Variants in BICC1 observed in about 807,000 individuals in gnomAD.
BICC1 encodes the protein BicC family RNA binding protein 1.
A neutral mutation model predicts 111.0 loss-of-function variants in BICC1; 43 were observed. The observed-to-expected ratio is 0.39, with a 90% CI of 0.30 to 0.50. The LOEUF (loss-of-function observed/expected upper bound fraction) is 0.50. Ranked by LOEUF, BICC1 falls within the 20% of genes least tolerant of loss-of-function variation. The pLI is 0.88. For synonymous variants in BICC1, 467 were observed against 434.4 expected, an observed-to-expected ratio of 1.07 and a Z score of -0.93; for missense variants, 1,091 against 1,203.2, an observed-to-expected ratio of 0.91 and a Z score of 1.38.
intron 1 of BICC1, among the ~76,000 whole-genome samples, chr10:58,608,630 C>T (rs1432163274): frequency 6.6e-6 from 1 of 151,782 alleles, no homozygotes; most frequent in Admixed American, 6.6e-5. Flanking sequence ...CACAACTATA[C>T]GTCCTTAGAG....
chr10:58,554,333 A>C (rs908132156), intron 1 of BICC1, among the ~76,000 whole-genome samples: 1 of 152,158 alleles, frequency 6.6e-6, no homozygotes, highest in African/African-American at 2.4e-5. Context: ...CTGAACTTTA[A>C]ATCCGGTCTT....
In BICC1 at chr10:58,782,247, T is replaced by A. The variant is rs1248773743; in HGVS notation, c.308-2754T>A. 2.0e-5 allele frequency among the ~76,000 whole-genome samples: 3 copies of A among 152,190 alleles called. 1 individual carries two copies. The highest frequency in any genetic ancestry group is 4.4e-5 in the Non-Finnish European group (3 of 68,030). ...ACGAGGCTCCCTGTCCCTCTATGTA[T>A]GCATAGGAATTTTAATGCGATTATC... On this transcript the variant is annotated intron_variant, in intron 3 of 20. Coordinates refer to ENST00000373886, the MANE Select transcript of BICC1 (RefSeq NM_001080512.3).
At chr10:58,558,449 G>A (rs926399449) in intron 1 of BICC1, among the ~76,000 whole-genome samples, 3 of 152,206 alleles carry the variant, frequency 2.0e-5, no homozygotes, top group Admixed American at 1.3e-4. Flanking sequence ...CTGGCAATAA[G>A]CTGGTTCAAT....
At chr10:58,822,250 G>T (rs959525858) in intron 20 of BICC1, among the ~76,000 whole-genome samples, 5 of 152,032 alleles carry the variant, frequency 3.3e-5, no homozygotes, top group Admixed American at 3.3e-4. Flanking sequence ...GAGATTCATG[G>T]AATAGCAGTG....
At chr10:58,586,350 A>T (rs571598035) in intron 1 of BICC1, among the ~76,000 whole-genome samples, 2 of 152,196 alleles carry the variant, frequency 1.3e-5, no homozygotes, top group Non-Finnish European at 2.9e-5. Context: ...TACAAGTTGC[A>T]TGTTCTTGGT....
chr10:58,585,564 C>T (rs918772375), intron 1 of BICC1, among the ~76,000 whole-genome samples: 3 of 152,108 alleles, frequency 2.0e-5, no homozygotes, highest in Admixed American at 6.6e-5. Context: ...TTGCAGTCTT[C>T]GGCATATGTG....
Position 58,830,024 on chromosome 10 carries a change from C to T in BICC1, c.*1133C>T, listed in dbSNP as rs991610883. 1.3e-5 allele frequency: 2 copies of T among 151,910 alleles called. No individual in the cohort carries two copies. Among genetic ancestry groups the T allele is most frequent in the African/African-American group, 2.4e-5 (1 of 41,374 alleles). 9.4% of individuals were successfully genotyped at this position (151,910 alleles called of 1,614,324 possible). On this transcript the variant is annotated 3_prime_UTR_variant, in exon 21 of 21. Transcript: ENST00000373886. ...TATCATGTACACGTTAGCTATGTTC[C>T]GTATGGCCACAGGACTTTCCTGAAA... is the stretch of plus-strand genomic sequence containing the variant.
At chr10:58,668,089 C>T (rs746168272) in intron 2 of BICC1, among the ~76,000 whole-genome samples, 10 of 152,090 alleles carry the variant, frequency 6.6e-5, no homozygotes, top group African/African-American at 1.4e-4. Flanking sequence ...CACGGTCATC[C>T]GGCTTTTAAG....
intron 2 of BICC1, among the ~76,000 whole-genome samples, chr10:58,687,463 C>G (rs1399040372): frequency 6.6e-6 from 1 of 152,240 alleles, no homozygotes; most frequent in African/African-American, 2.4e-5. Flanking sequence ...GCCCTGCCCC[C>G]AGAGGTGGAG....
intron 1 of BICC1, among the ~76,000 whole-genome samples, chr10:58,582,044 G>C (rs1844296631): frequency 1.4e-5 from 2 of 147,740 alleles, no homozygotes; most frequent in Admixed American, 1.4e-4. Context: ...AGCATTCTCT[G>C]CACTCTTTCC....
At chr10:58,668,142 A>C (rs1189226796) in intron 2 of BICC1, among the ~76,000 whole-genome samples, 1 of 152,106 alleles carries the variant, frequency 6.6e-6, no homozygotes, top group Non-Finnish European at 1.5e-5. Context: ...TTCTTTGGGA[A>C]GAGTCCTTGA....
intron 2 of BICC1, among the ~76,000 whole-genome samples, chr10:58,625,879 C>T (rs919052136): frequency 9.2e-5 from 14 of 151,986 alleles, no homozygotes; most frequent in African/African-American, 2.9e-4. Context: ...TCTCCACTAG[C>T]GATTATTTTT....
intron 2 of BICC1, among the ~76,000 whole-genome samples, chr10:58,621,620 C>T (rs945812763): frequency 6.6e-6 from 1 of 152,064 alleles, no homozygotes; most frequent in Non-Finnish European, 1.5e-5. Flanking sequence ...AAAGACCAGC[C>T]TGGGGCAGGG....
At chr10:58,523,563 A>G (rs888302417) in intron 1 of BICC1, among the ~76,000 whole-genome samples, 1 of 152,200 alleles carries the variant, frequency 6.6e-6, no homozygotes, top group African/African-American at 2.4e-5. Flanking sequence ...TCAAAATAAT[A>G]AGAGCTATCT....
At chr10:58,636,139 G>GATGTTGT (rs1237994546) in intron 2 of BICC1, among the ~76,000 whole-genome samples, 1 of 152,176 alleles carries the variant, frequency 6.6e-6, no homozygotes, top group Non-Finnish European at 1.5e-5. Flanking sequence ...GTAGAATTGT[G>GATGTTGT]ATGTTGTGGG....
chr10:58,742,879 G>A lies in BICC1; in HGVS notation c.307+40736G>A, dbSNP rs77864606. ...TTCCATTATCATTATTGTCATTCAG[G>A]TTACTAGAGAACTAGCTATTAGATT... is the stretch of plus-strand genomic sequence containing the variant. On this transcript the variant is annotated intron_variant, in intron 3 of 20. Coordinates refer to ENST00000373886, the MANE Select transcript of BICC1 (RefSeq NM_001080512.3). Among the ~76,000 whole-genome samples, 327 of 152,106 alleles carry A rather than the reference G, an allele frequency of 2.1e-3. 3 individuals carry two copies. Among genetic ancestry groups the A allele is most frequent in the South Asian group, 0.016 (75 of 4,806 alleles).
intron 1 of BICC1, among the ~76,000 whole-genome samples, chr10:58,614,398 A>G (rs1201680848): frequency 6.6e-6 from 1 of 152,192 alleles, no homozygotes; most frequent in Non-Finnish European, 1.5e-5. Context: ...TGGGAAATGG[A>G]TACATCAGAA....
intron 1 of BICC1, among the ~76,000 whole-genome samples, chr10:58,552,989 A>G (rs1341111803): frequency 1.3e-5 from 2 of 152,138 alleles, no homozygotes; most frequent in Non-Finnish European, 2.9e-5. Flanking sequence ...CTTTGTTGCT[A>G]AGTGTTCCTG....
rs1844578869 is a variant in BICC1 at position 58,590,526 on chromosome 10, AGTGT to A, written c.191-30326_191-30323del. ...TTCCAGTTAGTGCCAAGAAATTTGA[AGTGT>A]GTATTGAAGAAGGCTATGATAATTA... On this transcript the variant is annotated intron_variant, in intron 1 of 20. Transcript: ENST00000373886. 2.6e-5 allele frequency among the ~76,000 whole-genome samples: 4 copies of A among 152,224 alleles called. No individual in the cohort carries two copies. In the South Asian group the frequency reaches 8.3e-4, roughly 31 times the overall value.
Sources: allele counts gnomAD v4.1 joint callset (sites outside exome capture counted in the v4.1 genomes callset), GRCh38; gene constraint gnomAD v4.1.1; transcripts MANE v1.5; gene names NCBI Gene and HGNC (gene_info 2026-07-23, HGNC 2026-07-21).